The following DPYD variants were observed in gnomAD, a reference collection of about 807,000 sequenced individuals.
DPYD encodes dihydropyrimidine dehydrogenase, also known as dihydropyrimidine dehydrogenase [NADP(+)].
In DPYD, 109 loss-of-function variants were observed where a neutral mutation model predicts 116.2. The observed-to-expected ratio is 0.94, with a 90% CI of 0.80 to 1.10. The LOEUF (loss-of-function observed/expected upper bound fraction) is 1.10. DPYD is among the 50% of genes least tolerant of loss of function. The pLI is 0.00. For synonymous variants in DPYD, 440 were observed against 432.0 expected (o/e 1.02, Z -0.23); for missense variants, 1,302 against 1,254.5 (o/e 1.04, Z -0.57).
chr1:97,198,830 C>T (rs1403361563), intron 19 of DPYD, among the ~76,000 whole-genome samples: 1 of 151,974 alleles, frequency 6.6e-6, no homozygotes, highest in Non-Finnish European at 1.5e-5. Flanking sequence ...TGTGAATATC[C>T]CTATAGTGAG....
In DPYD at chr1:97,413,502, C is replaced by T. The variant is rs536968936; in HGVS notation, c.1906-31041G>A. Among the ~76,000 whole-genome samples, 10 of 152,258 alleles carry T rather than the reference C, an allele frequency of 6.6e-5. No homozygotes were observed. In the South Asian group the frequency reaches 1.5e-3, roughly 22 times the overall value. On this transcript the variant is annotated intron_variant, in intron 14 of 22. Coordinates refer to ENST00000370192, the MANE Select transcript of DPYD (RefSeq NM_000110.4). ...GTTTGTGGACTGGTTCTGGCTCTGT[C>T]ACCCAGGCTGGAGTGCAGTGGCTTG...
intron 13 of DPYD, among the ~76,000 whole-genome samples, chr1:97,453,488 C>A (rs560654144): frequency 6.6e-6 from 1 of 152,044 alleles, no homozygotes; most frequent in South Asian, 2.1e-4. Context: ...TCACCTATAA[C>A]TAATAAGGAA....
chr1:97,871,369 T>C (rs1027804031), intron 2 of DPYD, among the ~76,000 whole-genome samples: 3 of 151,796 alleles, frequency 2.0e-5, no homozygotes, highest in Non-Finnish European at 4.4e-5. Context: ...CCAAGAGAAA[T>C]TTCCTTGTCA....
intron 19 of DPYD, among the ~76,000 whole-genome samples, chr1:97,204,162 A>T (rs1205563342): frequency 1.2e-4 from 19 of 152,176 alleles, no homozygotes; most frequent in Non-Finnish European, 2.9e-5. Context: ...GGGCTAGAGA[A>T]GCAAAGCAAT....
chr1:97,746,972 G>A (rs947627795), intron 3 of DPYD, among the ~76,000 whole-genome samples: 12 of 151,328 alleles, frequency 7.9e-5, no homozygotes, highest in African/African-American at 2.7e-4. Context: ...CGAATGTACT[G>A]ATAATTATGC....
intron 3 of DPYD, among the ~76,000 whole-genome samples, chr1:97,763,506 T>C (rs1468230860): frequency 6.6e-6 from 1 of 152,062 alleles, no homozygotes; most frequent in Non-Finnish European, 1.5e-5. Flanking sequence ...CCATCAAGGC[T>C]GACCTATCCC....
At chr1:97,598,642 A>G (rs892249063) in intron 8 of DPYD, among the ~76,000 whole-genome samples, 2 of 151,880 alleles carry the variant, frequency 1.3e-5, no homozygotes, top group African/African-American at 4.8e-5. Flanking sequence ...GGAGGAACGA[A>G]GGAAGGAAGG....
At chr1:97,778,520 T>C (rs1042828677) in intron 3 of DPYD, among the ~76,000 whole-genome samples, 1 of 152,078 alleles carries the variant, frequency 6.6e-6, no homozygotes, top group Admixed American at 6.6e-5. Context: ...ACTAATGCTA[T>C]TTATTAAATC....
At chr1:97,173,183 T>C (rs543510746) in intron 20 of DPYD, among the ~76,000 whole-genome samples, 14 of 147,216 alleles carry the variant, frequency 9.5e-5, no homozygotes, top group Non-Finnish European at 1.5e-4. Flanking sequence ...CATGTATACA[T>C]ATATATGTGT....
chr1:97,299,937 G>C (rs1461206390), intron 18 of DPYD, among the ~76,000 whole-genome samples: 1 of 152,084 alleles, frequency 6.6e-6, no homozygotes, highest in East Asian at 1.9e-4. Flanking sequence ...ATCTGTACAT[G>C]AATATATTCA....
intron 3 of DPYD, among the ~76,000 whole-genome samples, chr1:97,754,393 T>C (rs1433363836): frequency 6.6e-6 from 1 of 152,086 alleles, no homozygotes; most frequent in Non-Finnish European, 1.5e-5. Flanking sequence ...GGGCAAATAA[T>C]ATATAGTTTT....
rs574613281 is a variant in DPYD, at chr1:97,596,137, C to T, written c.851-971G>A. ...CAGGTAAATGAAGAAATTAGTTTTA[C>T]CGTATAAAAGAAAAAGACAACAGAA... is the stretch of plus-strand genomic sequence containing the variant. On this transcript the variant is annotated intron_variant, in intron 8 of 22. Transcript: ENST00000370192. Among the ~76,000 whole-genome samples, 105 of 151,838 alleles carry T rather than the reference C, an allele frequency of 6.9e-4. 1 individual carries two copies. Among genetic ancestry groups the T allele is most frequent in the Admixed American group, 5.0e-3 (77 of 15,250 alleles).
intron 8 of DPYD, among the ~76,000 whole-genome samples, chr1:97,655,613 T>C (rs1379318020): frequency 6.6e-6 from 1 of 152,218 alleles, no homozygotes; most frequent in African/African-American, 2.4e-5. Flanking sequence ...AAAATTTTGG[T>C]GACAACAATA....
chr1:97,722,791 A>G (rs1039167635), intron 4 of DPYD, among the ~76,000 whole-genome samples: 9 of 151,630 alleles, frequency 5.9e-5, no homozygotes, highest in Non-Finnish European at 1.3e-4. Context: ...AGCACTTTAA[A>G]AGACTTTTAT....
At chr1:97,407,762 C>A (rs984070672) in intron 14 of DPYD, among the ~76,000 whole-genome samples, 1 of 152,262 alleles carries the variant, frequency 6.6e-6, no homozygotes, top group African/African-American at 2.4e-5. Context: ...CTCACCATCA[C>A]CCTTAGTGAC....
intron 19 of DPYD, among the ~76,000 whole-genome samples, chr1:97,208,518 T>G (rs1468279082): frequency 6.6e-6 from 1 of 152,028 alleles, no homozygotes; most frequent in Admixed American, 6.6e-5. Context: ...ACTCCTGGGC[T>G]TAAGCGATCC....
At chr1:97,587,962 A>T (rs111361711) in intron 10 of DPYD, among the ~76,000 whole-genome samples, 6,075 of 152,244 alleles carry the variant, frequency 0.04, 202 homozygotes, top group Middle Eastern at 0.085. Flanking sequence ...ATGCCACAAA[A>T]ATGATCTATT....
At chr1:97,812,359 G>T (rs1214514835) in intron 3 of DPYD, among the ~76,000 whole-genome samples, 1 of 152,062 alleles carries the variant, frequency 6.6e-6, no homozygotes, top group Non-Finnish European at 1.5e-5. Flanking sequence ...ATTGTTTTTA[G>T]TAACTACAAT....
At chr1:97,224,298 C>T (rs1318870055) in intron 19 of DPYD, among the ~76,000 whole-genome samples, 1 of 152,016 alleles carries the variant, frequency 6.6e-6, no homozygotes, top group East Asian at 1.9e-4. Context: ...CAAAGTTGTA[C>T]TAGGAAAATG....
Sources: gnomAD v4.1 joint callset for allele counts (sites outside exome capture counted in the v4.1 genomes callset) on GRCh38, gnomAD v4.1.1 for gene constraint, MANE v1.5 for transcripts, NCBI Gene and HGNC (gene_info 2026-07-23, HGNC 2026-07-21) for gene names.